CSMD1: variants seen among roughly 807,000 people sequenced by gnomAD.
CSMD1 encodes the protein CUB and Sushi multiple domains 1, also known as CUB and sushi domain-containing protein 1.
CSMD1 carries 213 observed loss-of-function variants against 417.5 expected under a neutral mutation model. The ratio of observed to expected loss-of-function variants is 0.51; its 90% CI spans 0.46 to 0.57. CSMD1 has a LOEUF of 0.57. Ranked by LOEUF, CSMD1 falls within the 20% of genes least tolerant of loss-of-function variation. The probability of loss-of-function intolerance (pLI) is 0.00; values close to 1 mark genes in which losing one functional copy is unlikely to be tolerated. For synonymous variants in CSMD1, 2,862 were observed against 1,736.8 expected, an observed-to-expected ratio of 1.65 and a Z score of -16.11; for missense variants, 6,923 against 4,529.7, an observed-to-expected ratio of 1.53 and a Z score of -15.17.
At chr8:4,939,301 A>G (rs962962117) in intron 1 of CSMD1, among the ~76,000 whole-genome samples, 1 of 152,244 alleles carries the variant, frequency 6.6e-6, no homozygotes, top group Non-Finnish European at 1.5e-5. Flanking sequence ...CCTACTGGGT[A>G]TGCATCCAAA....
rs1427835168 is a variant in CSMD1, at chr8:3,809,295, C to T, written c.819-55253G>A. On this transcript the variant is annotated intron_variant, in intron 5 of 69. Coordinates refer to ENST00000635120, the MANE Select transcript of CSMD1 (RefSeq NM_033225.6). ...CCCTTTGCCATATCACAACACAATGCACCTTTCATTGAAAGTTCTTGTTCA... is the reference window on the plus strand; with the variant it reads ...CCCTTTGCCATATCACAACACAATGTACCTTTCATTGAAAGTTCTTGTTCA... Among the ~76,000 whole-genome samples, 6 of 152,296 alleles carry T rather than the reference C, an allele frequency of 3.9e-5. No homozygotes were observed. In the East Asian group the frequency reaches 1.2e-3, roughly 29 times the overall value.
intron 65 of CSMD1, among the ~76,000 whole-genome samples, chr8:2,953,812 C>A (rs189402107): frequency 6.6e-6 from 1 of 152,354 alleles, no homozygotes; most frequent in Non-Finnish European, 1.5e-5. Flanking sequence ...GGCTCCATGT[C>A]TGAACTGTTT....
chr8:3,509,458 G>T, intron 10 of CSMD1, among the ~76,000 whole-genome samples: 1 of 152,194 alleles, frequency 6.6e-6, no homozygotes, highest in East Asian at 1.9e-4. Flanking sequence ...TAGGCAAGGA[G>T]TCTTGCACAA....
chr8:3,807,696 T>C (rs1439426407), intron 5 of CSMD1, among the ~76,000 whole-genome samples: 2 of 152,154 alleles, frequency 1.3e-5, no homozygotes, highest in Non-Finnish European at 2.9e-5. Context: ...TTGGCTTTTC[T>C]TCCTTGAGCT....
chr8:4,911,747 T>G (rs1000551090), intron 1 of CSMD1, among the ~76,000 whole-genome samples: 1 of 152,146 alleles, frequency 6.6e-6, no homozygotes, highest in African/African-American at 2.4e-5. Context: ...GTAAATCACG[T>G]TGGTTTCTTC....
chr8:4,668,797 T>G (rs1399723056), intron 1 of CSMD1, among the ~76,000 whole-genome samples: 3 of 152,272 alleles, frequency 2.0e-5, no homozygotes, highest in Non-Finnish European at 4.4e-5. Flanking sequence ...CTCAATGAAG[T>G]GCTCAACATT....
At chr8:3,908,835 C>T (rs542499104) in intron 5 of CSMD1, among the ~76,000 whole-genome samples, 16 of 152,266 alleles carry the variant, frequency 1.1e-4, no homozygotes, top group South Asian at 2.1e-4. Flanking sequence ...TGAGGACCAA[C>T]GACATTTTGA....
intron 5 of CSMD1, among the ~76,000 whole-genome samples, chr8:3,786,892 C>T (rs558932801): frequency 6.6e-6 from 1 of 152,216 alleles, no homozygotes; most frequent in South Asian, 2.1e-4. Flanking sequence ...CCTAAAAGCC[C>T]CACCTCCTAA....
chr8:3,875,728 A>G (rs1805771208), intron 5 of CSMD1, among the ~76,000 whole-genome samples: 1 of 152,168 alleles, frequency 6.6e-6, no homozygotes, highest in Non-Finnish European at 1.5e-5. Context: ...TGGATTGAGG[A>G]AAGAAAGGCA....
intron 4 of CSMD1, among the ~76,000 whole-genome samples, chr8:4,007,811 A>G (rs1228694370): frequency 6.6e-6 from 1 of 152,172 alleles, no homozygotes; most frequent in Admixed American, 6.6e-5. Flanking sequence ...TTAGGGGGCT[A>G]TGCACGGAAT....
intron 5 of CSMD1, among the ~76,000 whole-genome samples, chr8:3,894,175 CTG>C (rs748061747): frequency 6.6e-6 from 1 of 152,152 alleles, no homozygotes; most frequent in African/African-American, 2.4e-5. Context: ...ACTTCTTTTG[CTG>C]TGTGTCTTTT....
At chr8:3,719,351 G>A (rs1802015787) in intron 6 of CSMD1, among the ~76,000 whole-genome samples, 1 of 152,130 alleles carries the variant, frequency 6.6e-6, no homozygotes, top group South Asian at 2.1e-4. Flanking sequence ...GAAATCCTGA[G>A]CCACAGCCTC....
In CSMD1 at chr8:3,859,944, G is replaced by T. The variant is rs190674360; in HGVS notation, c.819-105902C>A. On this transcript the variant is annotated intron_variant, in intron 5 of 69. Coordinates refer to ENST00000635120, the MANE Select transcript of CSMD1 (RefSeq NM_033225.6). ...AACCATGAGTGTAATAGCTTTTCAT[G>T]AATTCCATGAGTCCCAGTGAATTTT... 1.3e-3 allele frequency among the ~76,000 whole-genome samples: 205 copies of T among 152,212 alleles called. 3 individuals carry two copies. Among genetic ancestry groups the T allele is most frequent in the Non-Finnish European group, 7.6e-4 (52 of 68,002 alleles).
chr8:4,160,848 A>G (rs1305803407), intron 3 of CSMD1, among the ~76,000 whole-genome samples: 2 of 152,248 alleles, frequency 1.3e-5, no homozygotes, highest in Non-Finnish European at 2.9e-5. Context: ...TGAAGTTTCT[A>G]ATATTTCCTT....
At chr8:4,176,498 G>A (rs1188843570) in intron 3 of CSMD1, among the ~76,000 whole-genome samples, 6 of 151,878 alleles carry the variant, frequency 4.0e-5, no homozygotes, top group Admixed American at 2.0e-4. Context: ...ACTCACTACT[G>A]GTTCTATACC....
At chr8:3,956,956 T>C (rs957905215) in intron 5 of CSMD1, among the ~76,000 whole-genome samples, 2 of 152,190 alleles carry the variant, frequency 1.3e-5, no homozygotes, top group African/African-American at 4.8e-5. Context: ...ACTTTTTCTA[T>C]ACGGAAAGGT....
At chr8:3,377,231 C>T (rs753296274) in intron 18 of CSMD1, among the ~76,000 whole-genome samples, 9 of 152,132 alleles carry the variant, frequency 5.9e-5, no homozygotes, top group African/African-American at 1.9e-4. Flanking sequence ...AGGCTGGCCT[C>T]GAACTCCTGG....
intron 1 of CSMD1, among the ~76,000 whole-genome samples, chr8:4,698,954 C>T (rs1323763280): frequency 1.3e-5 from 2 of 151,426 alleles, no homozygotes; most frequent in Admixed American, 6.6e-5. Context: ...ATTTCACCGT[C>T]GAACGAACAC....
chr8:3,212,491 G>T (rs776708995), intron 30 of CSMD1, among the ~76,000 whole-genome samples: 5 of 152,106 alleles, frequency 3.3e-5, no homozygotes, highest in Non-Finnish European at 4.4e-5. Flanking sequence ...TGGGACTACA[G>T]GCATGAGCCA....
Sources: allele counts gnomAD v4.1 joint callset (sites outside exome capture counted in the v4.1 genomes callset), GRCh38; gene constraint gnomAD v4.1.1; transcripts MANE v1.5; gene names NCBI Gene and HGNC (gene_info 2026-07-23, HGNC 2026-07-21).